The following APBB2 variants were observed in gnomAD, a reference collection of about 807,000 sequenced individuals.
The protein encoded by APBB2 is Fe65-like 1.
In APBB2, 38 loss-of-function variants were observed where a neutral mutation model predicts 82.5. That is an observed-to-expected ratio of 0.46 (90% CI 0.36 to 0.60). APBB2 has a LOEUF of 0.60. Ranked by LOEUF, APBB2 falls within the 20% of genes least tolerant of loss-of-function variation. The probability of loss-of-function intolerance (pLI) is 0.00; values close to 1 mark genes in which losing one functional copy is unlikely to be tolerated. For missense variants in APBB2, 772 were observed against 972.3 expected (o/e 0.79, Z 2.74); for synonymous variants, 341 against 368.2 (o/e 0.93, Z 0.85).
At chr4:41,210,067 T>C (rs575968548) in intron 1 of APBB2, among the ~76,000 whole-genome samples, 1 of 152,276 alleles carries the variant, frequency 6.6e-6, no homozygotes, top group African/African-American at 2.4e-5. Flanking sequence ...TTCACAGTCC[T>C]GTGAGAATCA....
At chr4:41,173,566 C>T (rs576633739) in intron 1 of APBB2, among the ~76,000 whole-genome samples, 1 of 152,334 alleles carries the variant, frequency 6.6e-6, no homozygotes, top group East Asian at 1.9e-4. Context: ...AACAACACTT[C>T]AGTCAACGGC....
At chr4:41,095,711 C>G (rs1463242118) in intron 3 of APBB2, among the ~76,000 whole-genome samples, 1 of 151,904 alleles carries the variant, frequency 6.6e-6, no homozygotes, top group Non-Finnish European at 1.5e-5. Flanking sequence ...GCTGCTCACA[C>G]GTACACTTCT....
chr4:40,939,999 C>T (rs1786411226), intron 7 of APBB2, among the ~76,000 whole-genome samples: 1 of 152,154 alleles, frequency 6.6e-6, no homozygotes, highest in African/African-American at 2.4e-5. Context: ...GTCATTGCAA[C>T]AGATCAACTA....
chr4:40,837,132 G>C (rs1754213313), intron 12 of APBB2, among the ~76,000 whole-genome samples: 1 of 152,220 alleles, frequency 6.6e-6, no homozygotes, highest in African/African-American at 2.4e-5. Context: ...CTGACAGACT[G>C]TGCAAACCTA....
intron 10 of APBB2, among the ~76,000 whole-genome samples, chr4:40,898,740 G>C (rs963923886): frequency 3.3e-5 from 5 of 151,490 alleles, no homozygotes; most frequent in African/African-American, 1.2e-4. Context: ...GGGCATGGTG[G>C]CTCATGCTTG....
chr4:41,097,406 C>T (rs1057030237), intron 3 of APBB2, among the ~76,000 whole-genome samples: 8 of 152,120 alleles, frequency 5.3e-5, no homozygotes, highest in African/African-American at 1.7e-4. Context: ...AAACCTATGC[C>T]ATATATTCCA....
chr4:41,166,220 C>T (rs984652834), intron 1 of APBB2, among the ~76,000 whole-genome samples: 3 of 151,914 alleles, frequency 2.0e-5, no homozygotes, highest in South Asian at 2.1e-4. Flanking sequence ...GTAGTTCTTC[C>T]GCTAAGCTAG....
intron 6 of APBB2, among the ~76,000 whole-genome samples, chr4:40,998,750 G>C (rs11941830): frequency 2.0e-5 from 3 of 152,064 alleles, no homozygotes; most frequent in Non-Finnish European, 2.9e-5. Context: ...CACTCCTCTT[G>C]TGCTTTGGGT....
rs1228258096 is a variant in APBB2 at position 41,094,804 on chromosome 4, A to AC, written c.-149+5834dup. 2.6e-5 allele frequency among the ~76,000 whole-genome samples: 4 copies of AC among 152,080 alleles called. No individual in the cohort carries two copies. In the East Asian group the frequency reaches 7.7e-4, roughly 29 times the overall value. ...GGACTCGAACTCCTAACCTCAAGTG[A>AC]CCTGCCTGCTTTGGCCTCCCAAAGT... On this transcript the variant is annotated intron_variant, in intron 3 of 17. Coordinates refer to ENST00000508593, the MANE Select transcript of APBB2 (RefSeq NM_004307.2).
chr4:41,191,008 C>A (rs1371431473), intron 1 of APBB2, among the ~76,000 whole-genome samples: 3 of 152,286 alleles, frequency 2.0e-5, no homozygotes, highest in African/African-American at 7.2e-5. Flanking sequence ...CTTTGAGACC[C>A]AACCTGATCG....
At chr4:40,946,848 G>A (rs932955830) in intron 6 of APBB2, among the ~76,000 whole-genome samples, 3 of 152,182 alleles carry the variant, frequency 2.0e-5, no homozygotes, top group African/African-American at 4.8e-5. Flanking sequence ...GCTGCATCAC[G>A]TGCGCAGGCA....
At chr4:41,068,727 G>C (rs932335632) in intron 3 of APBB2, among the ~76,000 whole-genome samples, 3 of 151,094 alleles carry the variant, frequency 2.0e-5, no homozygotes, top group Non-Finnish European at 2.9e-5. Flanking sequence ...CTCAGGCTTT[G>C]GGTGTCAACA....
At chr4:41,092,934 A>T (rs1742278372) in intron 3 of APBB2, among the ~76,000 whole-genome samples, 1 of 152,150 alleles carries the variant, frequency 6.6e-6, no homozygotes, top group Non-Finnish European at 1.5e-5. Flanking sequence ...GCAGAGGCCA[A>T]TGGGGATAAA....
chr4:40,949,729 T>C (rs1336824451), intron 6 of APBB2, among the ~76,000 whole-genome samples: 1 of 150,582 alleles, frequency 6.6e-6, no homozygotes, highest in African/African-American at 2.4e-5. Context: ...GGCAAGCGGC[T>C]GAAAACTGGA....
intron 1 of APBB2, among the ~76,000 whole-genome samples, chr4:41,167,862 G>A (rs1767096613): frequency 6.6e-6 from 1 of 152,224 alleles, no homozygotes; most frequent in Admixed American, 6.5e-5. Flanking sequence ...CTTGCCACAA[G>A]GAGGAGAGCT....
At chr4:40,921,962 C>A (rs2154368643) in intron 10 of APBB2, among the ~76,000 whole-genome samples, 1 of 152,284 alleles carries the variant, frequency 6.6e-6, no homozygotes, top group African/African-American at 2.4e-5. Context: ...ATGAGACCAT[C>A]ATGGATCGAA....
intron 1 of APBB2, among the ~76,000 whole-genome samples, chr4:41,152,384 G>A (rs370233491): frequency 3.3e-5 from 5 of 150,894 alleles, no homozygotes; most frequent in Non-Finnish European, 7.4e-5. Flanking sequence ...GTACAGGGGC[G>A]CAATCTCCGC....
At chr4:41,160,005 G>GAAC (rs1764657350) in intron 1 of APBB2, among the ~76,000 whole-genome samples, 2 of 149,750 alleles carry the variant, frequency 1.3e-5, no homozygotes. Context: ...AGAAGAAGAA[G>GAAC]AAGAAGAAGA....
chr4:41,095,088 C>T (rs1205352901), intron 3 of APBB2, among the ~76,000 whole-genome samples: 1 of 152,118 alleles, frequency 6.6e-6, no homozygotes, highest in African/African-American at 2.4e-5. Flanking sequence ...ATAAATGTGG[C>T]AAAATGGTTA....
Sources: gnomAD v4.1 joint callset for allele counts (sites outside exome capture counted in the v4.1 genomes callset) on GRCh38, gnomAD v4.1.1 for gene constraint, MANE v1.5 for transcripts, NCBI Gene and HGNC (gene_info 2026-07-23, HGNC 2026-07-21) for gene names.